ASL: variants seen among roughly 807,000 people sequenced by gnomAD.
ASL encodes argininosuccinase.
Under a neutral mutation model 69.1 loss-of-function variants are expected in ASL, and 51 were observed. The observed-to-expected ratio is 0.74, with a 90% CI of 0.59 to 0.93. The LOEUF (loss-of-function observed/expected upper bound fraction) is 0.93. Among genes scored for constraint, ASL ranks in the 40% least tolerant of loss-of-function variants. ASL has a pLI of 0.00. For missense variants in ASL, 540 were observed against 623.9 expected (o/e 0.87, Z 1.43); for synonymous variants, 241 against 247.6 (o/e 0.97, Z 0.25).
At chr7:66,079,468 A>T (rs1185965538) in intron 2 of ASL, among the ~76,000 whole-genome samples, 3 of 152,014 alleles carry the variant, frequency 2.0e-5, no homozygotes, top group Admixed American at 2.0e-4. Flanking sequence ...TTCAAAACAT[A>T]GATGTGGCTG....
chr7:66,086,628 GC>G lies in ASL; in HGVS notation c.493del (p.Gln165SerfsTer10). 6.2e-7 allele frequency: 1 copy of G among 1,613,892 alleles called. No homozygotes were observed. The highest frequency in any genetic ancestry group is 8.5e-7 in the Non-Finnish European group (1 of 1,180,038). On this transcript the variant is annotated frameshift_variant, in exon 7 of 17. Transcript: ENST00000304874. LOFTEE classifies it high-confidence loss of function. The stretch of plus-strand genomic sequence containing the variant: ...CCCGGGGTACACCCATTTGCAGAGG[GC>G]CCAGCCCATCCGCTGGAGCCACTGG... ...LFPGYTHLQRAQPIRWSHWIL... is the reference protein window; with the variant it reads ...LFPGYTHLQRXQPIRWSHWIL...
intron 8 of ASL, chr7:66,087,068 G>C (rs1423941721): frequency 1.4e-5 from 9 of 643,498 alleles, no homozygotes; most frequent in Non-Finnish European, 1.9e-5. Context: ...TGACATGTGG[G>C]AACATGTGTC....
At chr7:66,092,107 G>T in intron 15 of ASL, 21 bp downstream of exon 15, 1 of 1,607,848 alleles carries the variant, frequency 6.2e-7, no homozygotes, top group Non-Finnish European at 8.5e-7. Flanking sequence ...AGCAGCCAGG[G>T]GGAGGGTGAG....
chr7:66,090,841 T>TAATCC (rs1786820205), intron 14 of ASL, among the ~76,000 whole-genome samples: 1 of 152,092 alleles, frequency 6.6e-6, no homozygotes, highest in Non-Finnish European at 1.5e-5. Flanking sequence ...CTCATGCCTG[T>TAATCC]AATCCCATCA....
intron 2 of ASL, among the ~76,000 whole-genome samples, chr7:66,077,746 C>T (rs1435252492): frequency 6.6e-6 from 1 of 151,974 alleles, no homozygotes; most frequent in East Asian, 1.9e-4. Flanking sequence ...GAAAAAAAAC[C>T]CACAAGTCCC....
At chr7:66,089,761 G>C (rs1374192888) in intron 14 of ASL, 66 bp downstream of exon 14, 3 of 1,563,064 alleles carry the variant, frequency 1.9e-6, no homozygotes, top group Non-Finnish European at 2.6e-6. Flanking sequence ...ATGCGGGGAG[G>C]GTGGCCTTGG....
At chr7:66,084,413 C>T (rs1185731009) in intron 6 of ASL, among the ~76,000 whole-genome samples, 5 of 151,958 alleles carry the variant, frequency 3.3e-5, no homozygotes, top group Admixed American at 2.0e-4. Context: ...CTGCCCGCGT[C>T]GGCCTGCCAA....
chr7:66,092,668 G>C lies in ASL; in HGVS notation c.1250+5G>C, dbSNP rs781201245. On this transcript the variant is annotated splice_donor_5th_base_variant and intron_variant, in intron 16 of 16. Coordinates refer to ENST00000304874, the MANE Select transcript of ASL (RefSeq NM_000048.4). ...GCAGGAGCTGCAGACCATCAGGTAC[G>C]GCCCATCCCCTTCCCCATGCTGCCT... The C allele has an allele frequency of 1.7e-5, 27 of 1,613,568 alleles. No individual in the cohort carries two copies. Among genetic ancestry groups the C allele is most frequent in the Non-Finnish European group, 2.2e-5 (26 of 1,179,966 alleles).
chr7:66,086,510 G>A lies in ASL; in HGVS notation c.447-75G>A. The A allele has an allele frequency of 2.0e-6, 3 of 1,515,942 alleles. No individual in the cohort carries two copies. The East Asian group carries it at 6.8e-5, about 34-fold the overall frequency. The allele number at this position is 1,515,942 out of a possible 1,614,324, so 93.9% of individuals were successfully genotyped here. A position where few individuals can be genotyped will look rare whatever the true frequency, so the allele number is the denominator to read the frequency against. On this transcript the variant is annotated intron_variant, in intron 6 of 16. Transcript: ENST00000304874. ...GACACTTTTTCCAGGGGTGACCCAG[G>A]CCTGCAGGGTTCCAGTGTCACAGGC...
At chr7:66,087,511 T>C in intron 9 of ASL, 125 bp downstream of exon 9, 2 of 1,210,068 alleles carry the variant, frequency 1.7e-6, no homozygotes, top group Non-Finnish European at 2.4e-6. Context: ...TCATTGCCTA[T>C]GGGCACTGAG....
chr7:66,079,336 C>T (rs938626249), intron 2 of ASL, among the ~76,000 whole-genome samples: 6 of 152,290 alleles, frequency 3.9e-5, no homozygotes, highest in Non-Finnish European at 5.9e-5. Flanking sequence ...ACAAAAAGGA[C>T]GTCAGTGAAG....
intron 14 of ASL, 79 bp from the exon 15 acceptor site, chr7:66,091,927 C>A (rs1313841099): frequency 2.0e-6 from 3 of 1,471,628 alleles, no homozygotes; most frequent in Non-Finnish European, 2.8e-6. Flanking sequence ...GATGTCCTGG[C>A]AGAGGGGCAG....
In ASL at chr7:66,086,780, G is replaced by A. The variant is rs1206145562; in HGVS notation, c.561G>A (p.Leu187=). 1.9e-6 allele frequency: 3 copies of A among 1,596,590 alleles called. No homozygotes were observed. Among genetic ancestry groups the A allele is most frequent in the Non-Finnish European group, 2.6e-6 (3 of 1,172,136 alleles). ...AVALTRDSER[L]LEVRKRINVL... is the part of the protein sequence containing the mutation. ...CACTGACCCGAGACTCTGAGCGGCTGCTGGAGGTGCGGAAGCGGATCAATG... is the reference window on the plus strand; with the variant it reads ...CACTGACCCGAGACTCTGAGCGGCTACTGGAGGTGCGGAAGCGGATCAATG... Residue 187 remains leucine (L), a synonymous_variant, in exon 8 of 17, where the codon CTG becomes CTA. Coordinates refer to ENST00000304874, the MANE Select transcript of ASL (RefSeq NM_000048.4).
At chr7:66,084,777 GC>G (rs898378784) in intron 6 of ASL, among the ~76,000 whole-genome samples, 1 of 152,006 alleles carries the variant, frequency 6.6e-6, no homozygotes, top group Non-Finnish European at 1.5e-5. Context: ...CCACCACCAC[GC>G]CCGGCTAATT....
At chr7:66,092,499 A>G in intron 15 of ASL, 58 bp from the exon 16 acceptor site, 2 of 1,446,306 alleles carry the variant, frequency 1.4e-6, no homozygotes, top group Non-Finnish European at 1.9e-6. Context: ...CAGGCAATGG[A>G]GGCAGATCAG....
At position 66,087,653 on chromosome 7, in the gene ASL, G is replaced by A. The variant is rs1007094019; in HGVS notation, c.656-76G>A. ...TGCCCCACCCTGATCAGGGGAGGGG[G>A]CTGGGCAACCTAGTTGGGGGAGAGG... On this transcript the variant is annotated intron_variant, in intron 9 of 16. Transcript: ENST00000304874. 7 of 1,554,422 alleles carry A rather than the reference G, an allele frequency of 4.5e-6. No individual in the cohort carries two copies. In the East Asian group the frequency reaches 1.1e-4, roughly 25 times the overall value.
intron 1 of ASL, 61 bp from the exon 2 acceptor site, chr7:66,075,978 C>T: frequency 2.0e-6 from 3 of 1,499,186 alleles, no homozygotes; most frequent in Non-Finnish European, 2.7e-6. Flanking sequence ...GAACTCGGAG[C>T]CAGCCCGGCC....
chr7:66,081,471 T>C (rs1786501332), intron 2 of ASL, among the ~76,000 whole-genome samples: 1 of 151,960 alleles, frequency 6.6e-6, no homozygotes, highest in Non-Finnish European at 1.5e-5. Context: ...TCCCAGCTAC[T>C]TGGGAGTCTG....
intron 2 of ASL, among the ~76,000 whole-genome samples, chr7:66,080,385 CAAAA>C (rs138360695): frequency 9.8e-5 from 6 of 61,346 alleles, no homozygotes; most frequent in Non-Finnish European, 1.4e-4. Context: ...GACTCCATCT[CAAAA>C]AAAAAAAAAA....
Sources: allele counts gnomAD v4.1 joint callset (sites outside exome capture counted in the v4.1 genomes callset), GRCh38; gene constraint gnomAD v4.1.1; transcripts MANE v1.5; gene names NCBI Gene and HGNC (gene_info 2026-07-23, HGNC 2026-07-21).